The following ITPR2 variants were observed in gnomAD, a reference collection of about 807,000 sequenced individuals.
ITPR2 encodes the protein inositol 1,4,5-trisphosphate receptor type 2.
ITPR2 carries 207 observed loss-of-function variants against 317.1 expected under a neutral mutation model. The observed-to-expected ratio is 0.65, with a 90% CI of 0.58 to 0.73. The LOEUF is 0.73. Among genes scored for constraint, ITPR2 ranks in the 30% least tolerant of loss-of-function variants. The pLI is 0.00. For missense variants in ITPR2, 2,613 were observed against 3,284.0 expected (o/e 0.80, Z 4.99); for synonymous variants, 1,156 against 1,149.1 (o/e 1.01, Z -0.12).
chr12:26,623,662 T>C (rs1946555083), intron 24 of ITPR2, among the ~76,000 whole-genome samples: 1 of 152,196 alleles, frequency 6.6e-6, no homozygotes, highest in East Asian at 1.9e-4. Context: ...ACAGACTGTT[T>C]TTAGGGTCTC....
chr12:26,784,172 G>C (rs1950146549), intron 2 of ITPR2, among the ~76,000 whole-genome samples: 1 of 151,492 alleles, frequency 6.6e-6, no homozygotes, highest in Non-Finnish European at 1.5e-5. Context: ...CAGAGTGGAA[G>C]AGAATTCTAT....
intron 37 of ITPR2, among the ~76,000 whole-genome samples, chr12:26,511,946 A>G (rs759248006): frequency 5.3e-5 from 8 of 151,958 alleles, no homozygotes; most frequent in Non-Finnish European, 1.0e-4. Flanking sequence ...TGACACTAAA[A>G]TCTCCTTCTC....
chr12:26,797,835 G>C (rs186196303), intron 1 of ITPR2, among the ~76,000 whole-genome samples: 1 of 151,514 alleles, frequency 6.6e-6, no homozygotes, highest in African/African-American at 2.4e-5. Context: ...GGGATTACAG[G>C]TGCACACTAC....
At chr12:26,339,952 TAGA>T (rs1471692743) in intron 56 of ITPR2, among the ~76,000 whole-genome samples, 2 of 152,184 alleles carry the variant, frequency 1.3e-5, no homozygotes, top group Non-Finnish European at 2.9e-5. Context: ...CCCCCTTCCA[TAGA>T]AGGAGAAGTG....
intron 37 of ITPR2, among the ~76,000 whole-genome samples, chr12:26,526,733 C>T (rs975487923): frequency 1.3e-5 from 2 of 152,034 alleles, no homozygotes; most frequent in African/African-American, 4.8e-5. Flanking sequence ...ACCAGGATAA[C>T]GGGTTTAGAC....
At position 26,552,971 on chromosome 12, in the gene ITPR2, G is replaced by A. The variant is rs1944565588; in HGVS notation, c.4965-2616C>T. Among the ~76,000 whole-genome samples, 4 of 152,158 alleles carry A rather than the reference G, an allele frequency of 2.6e-5. No individual in the cohort carries two copies. In the East Asian group the frequency reaches 5.8e-4, roughly 22 times the overall value. ...ACATAATGTTTGGTTGAGTTAGGTCGGTGACTTTCAAATATTTTTCTATGA... is the reference window on the plus strand; with the variant it reads ...ACATAATGTTTGGTTGAGTTAGGTCAGTGACTTTCAAATATTTTTCTATGA... On this transcript the variant is annotated intron_variant, in intron 36 of 56. Transcript: ENST00000381340.
chr12:26,394,816 T>C (rs1939946172), intron 54 of ITPR2, among the ~76,000 whole-genome samples: 1 of 151,896 alleles, frequency 6.6e-6, no homozygotes, highest in Admixed American at 6.6e-5. Context: ...TGTGGAAGGA[T>C]GTGGGTGAGA....
intron 55 of ITPR2, among the ~76,000 whole-genome samples, chr12:26,364,962 C>G (rs564301210): frequency 6.6e-6 from 1 of 152,256 alleles, no homozygotes; most frequent in African/African-American, 2.4e-5. Context: ...GTCGGCCTCC[C>G]CATGTGGTAA....
rs141153141 is a variant in ITPR2 at position 26,663,020 on chromosome 12, G to C, written c.1713+665C>G. Among the ~76,000 whole-genome samples the C allele has an allele frequency of 2.4e-4, 37 of 152,134 alleles. No individual in the cohort carries two copies. In the East Asian group the frequency reaches 6.8e-3, roughly 28 times the overall value. ...CTTAAGAGAAATTTCACTTGCAACT[G>C]GCAACTGTTAGCTGTACCCCTAGAT... On this transcript the variant is annotated intron_variant, in intron 15 of 56. Transcript: ENST00000381340.
intron 9 of ITPR2, among the ~76,000 whole-genome samples, chr12:26,707,296 C>T (rs982000437): frequency 6.6e-6 from 1 of 152,130 alleles, no homozygotes; most frequent in Non-Finnish European, 1.5e-5. Flanking sequence ...TAATCATTCC[C>T]AATTCTTGCA....
At chr12:26,670,361 G>A (rs1947736991) in intron 13 of ITPR2, among the ~76,000 whole-genome samples, 1 of 152,146 alleles carries the variant, frequency 6.6e-6, no homozygotes, top group African/African-American at 2.4e-5. Flanking sequence ...ACTTCCAGAG[G>A]AACGATCAGA....
intron 37 of ITPR2, 108 bp from the exon 38 acceptor site, chr12:26,495,368 G>A: frequency 1.7e-6 from 1 of 583,208 alleles, no homozygotes; most frequent in East Asian, 3.2e-5. Flanking sequence ...TTGAGGCATG[G>A]AAAAATTAAC....
intron 26 of ITPR2, among the ~76,000 whole-genome samples, chr12:26,617,476 A>G (rs1946395922): frequency 6.6e-6 from 1 of 152,158 alleles, no homozygotes; most frequent in Non-Finnish European, 1.5e-5. Flanking sequence ...GACAGGTTTT[A>G]CCAAACATTT....
chr12:26,656,196 A>T, intron 19 of ITPR2, 101 bp downstream of exon 19: 1 of 1,428,068 alleles, frequency 7.0e-7, no homozygotes. Flanking sequence ...AAGACAGGAT[A>T]CACAAATGCC....
At chr12:26,562,007 A>G in intron 34 of ITPR2, 55 bp from the exon 35 acceptor site, 1 of 1,199,966 alleles carries the variant, frequency 8.3e-7, no homozygotes, top group Non-Finnish European at 1.1e-6. Context: ...AGTTTCTTAC[A>G]TATTATCCAT....
Position 26,622,249 on chromosome 12 carries a change from T to C in ITPR2, c.3279A>G (p.Ala1093=). Reference sequence around the variant, plus strand: ...GGCTCTTCAATCTTACCTGCTTAAATGCCTGTAAAACCTCTGCCCTCTGGC... The same window carrying C: ...GGCTCTTCAATCTTACCTGCTTAAACGCCTGTAAAACCTCTGCCCTCTGGC... ...HFSQRAEVLQ[A]FKQVQLLVSN... Residue 1093 remains alanine (A), a synonymous_variant, in exon 25 of 57, where the codon GCA becomes GCG. Coordinates refer to ENST00000381340, the MANE Select transcript of ITPR2 (RefSeq NM_002223.4). 1.9e-6 allele frequency: 3 copies of C among 1,609,892 alleles called. No homozygotes were observed. The highest frequency in any genetic ancestry group is 8.5e-7 in the Non-Finnish European group (1 of 1,178,688).
intron 50 of ITPR2, among the ~76,000 whole-genome samples, chr12:26,415,759 C>T (rs1470675503): frequency 6.6e-6 from 1 of 152,126 alleles, no homozygotes; most frequent in East Asian, 1.9e-4. Flanking sequence ...TATCAATTTA[C>T]TAAAACATTA....
Position 26,597,029 on chromosome 12 carries a change from C to T in ITPR2, c.4108G>A (p.Gly1370Ser). ...AGGGTGATGTGGTAGGCTAAGGGGC[C>T]ACTCTCATCCCCTCGGTCTCTCTCT... ...CSERDRGDES[G>S]PLAYHITLVE... Residue 1370 changes from glycine to serine, a missense_variant, in exon 31 of 57, where the codon GGC becomes AGC. Transcript: ENST00000381340. 1 of 1,613,984 alleles carries T rather than the reference C, an allele frequency of 6.2e-7. No individual in the cohort carries two copies. Among genetic ancestry groups the T allele is most frequent in the Non-Finnish European group, 8.5e-7 (1 of 1,179,964 alleles).
chr12:26,664,375 T>C (rs755681781), intron 14 of ITPR2, among the ~76,000 whole-genome samples: 6 of 152,234 alleles, frequency 3.9e-5, no homozygotes, highest in Non-Finnish European at 7.3e-5. Context: ...TCGATGAACA[T>C]ATCAGCATTC....
Sources: allele counts gnomAD v4.1 joint callset (sites outside exome capture counted in the v4.1 genomes callset), GRCh38; gene constraint gnomAD v4.1.1; transcripts MANE v1.5; gene names NCBI Gene and HGNC (gene_info 2026-07-23, HGNC 2026-07-21).